The following IFT80 variants were observed in gnomAD, a reference collection of about 807,000 sequenced individuals.
IFT80 encodes the protein intraflagellar transport 80.
A neutral mutation model predicts 107.9 loss-of-function variants in IFT80; 79 were observed. The observed-to-expected ratio is 0.73, with a 90% CI of 0.61 to 0.88. The LOEUF (loss-of-function observed/expected upper bound fraction) is 0.88, where lower values mean the gene tolerates loss of function less well. IFT80 is among the 40% of genes least tolerant of loss of function. IFT80 has a pLI of 0.00. For missense variants in IFT80, 797 were observed against 914.2 expected, an observed-to-expected ratio of 0.87 and a Z score of 1.65; for synonymous variants, 299 against 300.9, an observed-to-expected ratio of 0.99 and a Z score of 0.07.
intron 18 of IFT80, among the ~76,000 whole-genome samples, chr3:160,269,355 C>T (rs1713622349): frequency 6.6e-6 from 1 of 151,710 alleles, no homozygotes; most frequent in African/African-American, 2.4e-5. Context: ...AAATTAAAAA[C>T]TGGTATCTTT....
chr3:160,338,832 T>C (rs1315708177), intron 8 of IFT80, among the ~76,000 whole-genome samples: 1 of 152,200 alleles, frequency 6.6e-6, no homozygotes, highest in East Asian at 1.9e-4. Flanking sequence ...CTTTCTTTCT[T>C]TCTCTTTTTT....
At chr3:160,368,979 G>A (rs1298852842) in intron 5 of IFT80, among the ~76,000 whole-genome samples, 1 of 151,830 alleles carries the variant, frequency 6.6e-6, no homozygotes, top group African/African-American at 2.4e-5. Context: ...GGCACGGTTG[G>A]GGTACAGAAT....
intron 6 of IFT80, among the ~76,000 whole-genome samples, chr3:160,360,362 G>A (rs934560136): frequency 1.3e-5 from 2 of 152,180 alleles, no homozygotes; most frequent in Non-Finnish European, 2.9e-5. Context: ...TATGTGAAAA[G>A]ACCAAATCTA....
chr3:160,393,888 C>T (rs1713567018), intron 1 of IFT80, among the ~76,000 whole-genome samples: 1 of 152,134 alleles, frequency 6.6e-6, no homozygotes, highest in Non-Finnish European at 1.5e-5. Flanking sequence ...CATATTTATA[C>T]CGAGTTTTCT....
Position 160,381,804 on chromosome 3 carries a change from T to C in IFT80, c.38-80A>G, listed in dbSNP as rs1712542456. ...TAATTCACAGATGCAGATTATAAGG[T>C]ATAAGTAAAATAGGGTCAAATGGTT... On this transcript the variant is annotated intron_variant, in intron 2 of 19. Coordinates refer to ENST00000326448, the MANE Select transcript of IFT80 (RefSeq NM_020800.3). 5 of 1,164,458 alleles carry C rather than the reference T, an allele frequency of 4.3e-6. No individual in the cohort carries two copies. In the South Asian group the frequency reaches 6.1e-5, roughly 14 times the overall value. 72.1% of individuals were successfully genotyped at this position (1,164,458 alleles called of 1,614,324 possible).
intron 12 of IFT80, among the ~76,000 whole-genome samples, chr3:160,296,464 G>A (rs1182909166): frequency 6.6e-6 from 1 of 150,960 alleles, no homozygotes; most frequent in Non-Finnish European, 1.5e-5. Flanking sequence ...TATTCTATCT[G>A]CCTGGCTTTC....
chr3:160,372,639 G>C (rs1015778503), intron 5 of IFT80, among the ~76,000 whole-genome samples: 3 of 152,078 alleles, frequency 2.0e-5, no homozygotes, highest in African/African-American at 7.2e-5. Flanking sequence ...AATACCAAGA[G>C]GTTAGCCAAA....
chr3:160,278,870 A>C (rs753473042), intron 16 of IFT80, among the ~76,000 whole-genome samples: 1 of 152,228 alleles, frequency 6.6e-6, no homozygotes, highest in Non-Finnish European at 1.5e-5. Flanking sequence ...AAATTAAAAA[A>C]TATGCCCAGG....
chr3:160,321,771 CTG>C (rs749934094), intron 8 of IFT80, among the ~76,000 whole-genome samples: 1 of 151,716 alleles, frequency 6.6e-6, no homozygotes, highest in Admixed American at 6.6e-5. Flanking sequence ...GAAAGAGAAA[CTG>C]TGAAAAAGGG....
intron 18 of IFT80, among the ~76,000 whole-genome samples, chr3:160,270,271 G>A (rs1466797898): frequency 6.6e-6 from 1 of 152,240 alleles, no homozygotes; most frequent in Non-Finnish European, 1.5e-5. Flanking sequence ...AAAGTGCTGG[G>A]ATTATAGCTG....
chr3:160,395,441 TA>T (rs1035820888), intron 1 of IFT80, among the ~76,000 whole-genome samples: 1 of 152,214 alleles, frequency 6.6e-6, no homozygotes, highest in Non-Finnish European at 1.5e-5. Flanking sequence ...TTTTCCCACC[TA>T]AAAAGAATTT....
chr3:160,334,219 G>C (rs976446972), intron 8 of IFT80, among the ~76,000 whole-genome samples: 1 of 152,180 alleles, frequency 6.6e-6, no homozygotes, highest in African/African-American at 2.4e-5. Flanking sequence ...GTTAACAACA[G>C]ACTGTGCTTT....
rs77419353 is a variant in IFT80 at position 160,267,235 on chromosome 3, T to G, written c.2223+1178A>C. 3.3e-5 allele frequency among the ~76,000 whole-genome samples: 5 copies of G among 152,254 alleles called. No homozygotes were observed. The East Asian group carries it at 9.6e-4, about 29-fold the overall frequency. ...AAGACACTACGTATTCTAAATACAA[T>G]AAGTAGATAATGTTGGCTTTAATAG... is the stretch of plus-strand genomic sequence containing the variant. On this transcript the variant is annotated intron_variant, in intron 19 of 19. Transcript: ENST00000326448.
chr3:160,280,096 G>C (rs910377299), intron 15 of IFT80, among the ~76,000 whole-genome samples: 3 of 152,002 alleles, frequency 2.0e-5, no homozygotes, highest in Non-Finnish European at 4.4e-5. Context: ...CTAAGCTAAG[G>C]TCTAGAATTA....
At chr3:160,345,461 T>G (rs1004033219) in intron 8 of IFT80, among the ~76,000 whole-genome samples, 4 of 151,640 alleles carry the variant, frequency 2.6e-5, no homozygotes, top group African/African-American at 9.7e-5. Flanking sequence ...CCAAGGTGGG[T>G]GGATCGCTTA....
At chr3:160,260,379 C>T (rs974318342) in intron 19 of IFT80, among the ~76,000 whole-genome samples, 4 of 152,124 alleles carry the variant, frequency 2.6e-5, no homozygotes, top group African/African-American at 9.7e-5. Context: ...ATAGAGAAGA[C>T]GAAACTTGAT....
At chr3:160,271,057 TTATC>T (rs1157620275) in intron 18 of IFT80, among the ~76,000 whole-genome samples, 2 of 152,188 alleles carry the variant, frequency 1.3e-5, no homozygotes, top group African/African-American at 2.4e-5. Context: ...ATCCTAAGAA[TTATC>T]TATCATTGTC....
rs75389794 is a variant in IFT80 at position 160,345,693 on chromosome 3, C to CAAA, written c.777+10317_777+10319dup. Among the ~76,000 whole-genome samples the CAAA allele has an allele frequency of 5.9e-3, 436 of 74,412 alleles. 5 individuals are homozygous for CAAA. The highest frequency in any genetic ancestry group is 9.0e-3 in the Non-Finnish European group (376 of 41,576). The allele number at this position is 74,412 out of a possible 152,430, so 48.8% of individuals were successfully genotyped here. A position where few individuals can be genotyped will look rare whatever the true frequency, so the allele number is the denominator to read the frequency against. ...TTGGCGAGAGAGCAAGACTCTGTCT[C>CAAA]AAAAAAAAAAAAAAAAAAAAAGAGA... On this transcript the variant is annotated intron_variant, in intron 8 of 19. Transcript: ENST00000326448.
At chr3:160,357,623 C>T in intron 6 of IFT80, 45 bp from the exon 7 acceptor site, 1 of 1,318,266 alleles carries the variant, frequency 7.6e-7, no homozygotes. Flanking sequence ...TTTAAAAGCA[C>T]TTAAGTTTTT....
Sources: gnomAD v4.1 joint callset for allele counts (sites outside exome capture counted in the v4.1 genomes callset) on GRCh38, gnomAD v4.1.1 for gene constraint, MANE v1.5 for transcripts, NCBI Gene and HGNC (gene_info 2026-07-23, HGNC 2026-07-21) for gene names.